The following KCTD2 variants were observed in gnomAD, a reference collection of about 807,000 sequenced individuals.
KCTD2 encodes the protein potassium channel tetramerization domain containing 2.
In KCTD2, 18 loss-of-function variants were observed where a neutral mutation model predicts 27.9. The ratio of observed to expected loss-of-function variants is 0.64; its 90% CI spans 0.45 to 0.96. The LOEUF (loss-of-function observed/expected upper bound fraction) is 0.96, where lower values mean the gene tolerates loss of function less well. KCTD2 is among the 40% of genes least tolerant of loss of function. The pLI is 0.00. For missense variants in KCTD2, 280 were observed against 348.0 expected (o/e 0.80, Z 1.56); for synonymous variants, 175 against 148.4 (o/e 1.18, Z -1.30).
At position 75,038,884 on chromosome 17, in the gene KCTD2, G is replaced by A. The variant is rs144857095; in HGVS notation, c.-259+3527G>A. ...GAACTGTATAATTATTATTTTTAAT[G>A]TCCAGAATGTGTAATACAAGGGCCA... On this transcript the variant is annotated intron_variant, in intron 3 of 7. Transcript: ENST00000581589. The A allele has an allele frequency of 4.2e-4, 656 of 1,572,270 alleles. 4 individuals are homozygous for A. The African/African-American group carries it at 6.6e-3, about 16-fold the overall frequency.
At chr17:75,057,194 G>A (rs2073358926) in intron 3 of KCTD2, among the ~76,000 whole-genome samples, 2 of 151,962 alleles carry the variant, frequency 1.3e-5, no homozygotes, top group Non-Finnish European at 2.9e-5. Context: ...TCTTAGGCGA[G>A]CCACCAACCT....
chr17:75,060,522 G>A (rs952843878), intron 4 of KCTD2: 3 of 1,612,534 alleles, frequency 1.9e-6, no homozygotes, highest in Non-Finnish European at 2.5e-6. Flanking sequence ...GCCAAGACCA[G>A]CTGCTCTTGA....
chr17:75,047,620 C>T, intron 1 of KCTD2, 31 bp downstream of exon 1: 1 of 1,586,260 alleles, frequency 6.3e-7, no homozygotes, highest in Non-Finnish European at 8.6e-7. Context: ...CGCCCCCGGG[C>T]CTTCGAACCC....
At chr17:75,048,982 G>A (rs562360738) in intron 1 of KCTD2, 1 of 362,524 alleles carries the variant, frequency 2.8e-6, no homozygotes, top group Non-Finnish European at 5.0e-6. Context: ...AAATGAGTAT[G>A]ACTGTCTGTA....
At chr17:75,051,018 G>A (rs973106595) in intron 2 of KCTD2, among the ~76,000 whole-genome samples, 3 of 147,004 alleles carry the variant, frequency 2.0e-5, no homozygotes, top group Non-Finnish European at 4.4e-5. Flanking sequence ...CTGTTGCCCA[G>A]GCTGGAGTGC....
chr17:75,044,918 G>A (rs949180252), upstream of KCTD2, among the ~76,000 whole-genome samples: 2 of 152,214 alleles, frequency 1.3e-5, no homozygotes, highest in Non-Finnish European at 2.9e-5. Flanking sequence ...CTGTTGTGGA[G>A]GGGAGGTGTT....
chr17:75,059,370 A>G, intron 3 of KCTD2, 140 bp from the exon 4 acceptor site: 1 of 484,018 alleles, frequency 2.1e-6, no homozygotes, highest in Non-Finnish European at 3.7e-6. Context: ...TATTTGTAAA[A>G]GGGGATAGTG....
chr17:75,051,517 C>A (rs888476529), intron 2 of KCTD2, among the ~76,000 whole-genome samples: 2 of 151,526 alleles, frequency 1.3e-5, no homozygotes, highest in African/African-American at 4.9e-5. Context: ...AACTCCTGAC[C>A]TCGTGATCCA....
At chr17:75,060,946 C>A (rs536067887) in intron 4 of KCTD2, among the ~76,000 whole-genome samples, 70 of 152,326 alleles carry the variant, frequency 4.6e-4, no homozygotes, top group Admixed American at 4.1e-3. Flanking sequence ...TCCACTCTGC[C>A]TGTGTCTGTC....
At chr17:75,038,970 AC>A (rs1443040167) in intron 3 of KCTD2, 7 of 1,614,072 alleles carry the variant, frequency 4.3e-6, no homozygotes, top group African/African-American at 1.3e-5. Context: ...CAATAGGGAT[AC>A]TTTTTCTTGT....
upstream of KCTD2, among the ~76,000 whole-genome samples, chr17:75,045,640 T>C (rs958186380): frequency 2.6e-5 from 4 of 150,988 alleles, no homozygotes; most frequent in Admixed American, 6.6e-5. Context: ...TCTGCCCGGC[T>C]CACCGGCGGT....
At position 75,047,522 on chromosome 17, in the gene KCTD2, G is replaced by A. The variant is rs1310978686; in HGVS notation, c.272G>A (p.Gly91Asp). 1 of 1,611,690 alleles carries A rather than the reference G, an allele frequency of 6.2e-7. No homozygotes were observed. The highest frequency in any genetic ancestry group is 1.7e-5 in the Admixed American group (1 of 59,996). Reference sequence around the variant, plus strand: ...TTCGTGACCACCAGACAGACCTTAGGCCGGGAGCCCAAGTCATTTCTCTGC... The same window carrying A: ...TTCGTGACCACCAGACAGACCTTAGACCGGGAGCCCAAGTCATTTCTCTGC... ...TYFVTTRQTL[G>D]REPKSFLCRL... Residue 91 changes from glycine to aspartate, a missense_variant, in exon 1 of 6, where the codon GGC becomes GAC. Gly to Asp is a moderately conservative substitution (Grantham distance 94). Coordinates refer to ENST00000322444, the MANE Select transcript of KCTD2 (RefSeq NM_015353.3).
intron 3 of KCTD2, among the ~76,000 whole-genome samples, chr17:75,054,934 A>G (rs1373076661): frequency 1.3e-5 from 2 of 152,150 alleles, no homozygotes; most frequent in Non-Finnish European, 2.9e-5. Context: ...GTGCTCCACC[A>G]TGACTACCTG....
intron 3 of KCTD2, among the ~76,000 whole-genome samples, chr17:75,055,562 G>C (rs1478119699): frequency 2.0e-5 from 3 of 151,720 alleles, no homozygotes; most frequent in South Asian, 4.2e-4. Context: ...GGCCGGGCGT[G>C]GTGGCTCATG....
intron 2 of KCTD2, among the ~76,000 whole-genome samples, chr17:75,034,986 G>A (rs941505712): frequency 6.6e-6 from 1 of 152,150 alleles, no homozygotes; most frequent in Non-Finnish European, 1.5e-5. Context: ...TAGGCGGGCG[G>A]CTGGGGCCAG....
intron 5 of KCTD2, among the ~76,000 whole-genome samples, chr17:75,062,572 C>G (rs1156811022): frequency 6.6e-6 from 1 of 152,002 alleles, no homozygotes; most frequent in Non-Finnish European, 1.5e-5. Flanking sequence ...TTGATTTATT[C>G]TTTAAAACTG....
intron 4 of KCTD2, 31 bp downstream of exon 4, chr17:75,059,636 G>GCC: frequency 6.4e-7 from 1 of 1,557,210 alleles, no homozygotes; most frequent in Non-Finnish European, 8.9e-7. Context: ...GCAATCCCAG[G>GCC]CCCCGTTCAA....
In KCTD2 at chr17:75,047,511, A is replaced by G. The variant is rs777328890; in HGVS notation, c.261A>G (p.Arg87=). Residue 87 remains arginine (R), a synonymous_variant, in exon 1 of 6, where the codon AGA becomes AGG. Transcript: ENST00000322444. ...NVGGTYFVTT[R]QTLGREPKSF... ...GAGGCACCTACTTCGTGACCACCAG[A>G]CAGACCTTAGGCCGGGAGCCCAAGT... is the stretch of plus-strand genomic sequence containing the variant. The G allele has an allele frequency of 6.2e-6, 10 of 1,610,856 alleles. No homozygotes were observed. Among genetic ancestry groups the G allele is most frequent in the Non-Finnish European group, 8.5e-6 (10 of 1,179,306 alleles).
intron 3 of KCTD2, among the ~76,000 whole-genome samples, chr17:75,036,795 G>C (rs550798208): frequency 1.3e-5 from 2 of 152,348 alleles, no homozygotes; most frequent in African/African-American, 4.8e-5. Flanking sequence ...AGTCTCGCAG[G>C]GGAAGGGTGT....
Sources: allele counts gnomAD v4.1 joint callset (sites outside exome capture counted in the v4.1 genomes callset), GRCh38; gene constraint gnomAD v4.1.1; transcripts MANE v1.5; gene names NCBI Gene and HGNC (gene_info 2026-07-23, HGNC 2026-07-21).